GRIK4: variants seen among roughly 807,000 people sequenced by gnomAD.
GRIK4 encodes glutamate receptor ionotropic, kainate 4.
Under a neutral mutation model 104.9 loss-of-function variants are expected in GRIK4, and 40 were observed. The ratio of observed to expected loss-of-function variants is 0.38; its 90% CI spans 0.30 to 0.50. GRIK4 has a LOEUF of 0.50. GRIK4 is among the 20% of genes least tolerant of loss of function. The pLI, the probability that GRIK4 is intolerant of heterozygous loss-of-function variation, is 0.93. For missense variants in GRIK4, 1,047 were observed against 1,308.1 expected, an observed-to-expected ratio of 0.80 and a Z score of 3.08; for synonymous variants, 485 against 524.9, an observed-to-expected ratio of 0.92 and a Z score of 1.04.
intron 11 of GRIK4, among the ~76,000 whole-genome samples, chr11:120,887,368 C>G (rs1955152159): frequency 6.6e-6 from 1 of 152,164 alleles, no homozygotes. Context: ...TGCTGACACT[C>G]ACAAAAGTAA....
intron 11 of GRIK4, among the ~76,000 whole-genome samples, chr11:120,883,143 C>T (rs367589563): frequency 2.0e-5 from 3 of 152,110 alleles, no homozygotes; most frequent in East Asian, 1.9e-4. Context: ...GAATACGGAG[C>T]GAACGAGGGA....
chr11:120,859,593 C>T (rs1049513457), intron 8 of GRIK4, among the ~76,000 whole-genome samples: 5 of 152,218 alleles, frequency 3.3e-5, no homozygotes, highest in African/African-American at 9.6e-5. Context: ...TTTCCAGCCC[C>T]TGCCAACCAT....
rs553704725 is a variant in GRIK4 at position 120,656,664 on chromosome 11, C to T, written c.-51+2872C>T. Among the ~76,000 whole-genome samples, 68 of 152,260 alleles carry T rather than the reference C, an allele frequency of 4.5e-4. No individual in the cohort carries two copies. In the South Asian group the frequency reaches 0.013, roughly 28 times the overall value. On this transcript the variant is annotated intron_variant, in intron 2 of 20. Transcript: ENST00000527524. ...TCACCTGAGGTCAGGAGTTCGAGACCAGCCTGGTCATCATGGTGAAGTCCC... is the reference window on the plus strand; with the variant it reads ...TCACCTGAGGTCAGGAGTTCGAGACTAGCCTGGTCATCATGGTGAAGTCCC...
In GRIK4 at chr11:120,517,301, G is replaced by A. The variant is rs1290993172; in HGVS notation, c.-159+5414G>A. Among the ~76,000 whole-genome samples, 2 of 149,464 alleles carry A rather than the reference G, an allele frequency of 1.3e-5. 1 individual carries two copies. The highest frequency in any genetic ancestry group is 5.0e-5 in the African/African-American group (2 of 39,632). ...CAGAGATAAATTCAGAGGCTGTGGA[G>A]GGTGAAGAGCAGCCAGAGGGGCTGT... On this transcript the variant is annotated intron_variant, in intron 1 of 20. Coordinates refer to ENST00000527524, the MANE Select transcript of GRIK4 (RefSeq NM_014619.5).
At chr11:120,594,886 G>A (rs372260094) in intron 1 of GRIK4, among the ~76,000 whole-genome samples, 4 of 152,318 alleles carry the variant, frequency 2.6e-5, no homozygotes, top group Admixed American at 6.5e-5. Context: ...AGAGTGACTC[G>A]TGAAGAGGAG....
At chr11:120,812,196 C>A (rs1952843427) in intron 4 of GRIK4, among the ~76,000 whole-genome samples, 2 of 152,148 alleles carry the variant, frequency 1.3e-5, no homozygotes, top group South Asian at 4.1e-4. Flanking sequence ...ACCTGTAAAG[C>A]AGGAGAACAG....
intron 1 of GRIK4, among the ~76,000 whole-genome samples, chr11:120,520,338 C>T (rs910974267): frequency 6.6e-6 from 1 of 152,190 alleles, no homozygotes; most frequent in Non-Finnish European, 1.5e-5. Context: ...CGCCTCTATG[C>T]GTTTTGGAAC....
chr11:120,933,534 G>C (rs1457797096), intron 13 of GRIK4, among the ~76,000 whole-genome samples: 1 of 152,270 alleles, frequency 6.6e-6, no homozygotes, highest in Non-Finnish European at 1.5e-5. Context: ...TAAATGACTT[G>C]TCCAAGGTCA....
At chr11:120,820,359 T>C (rs1030912852) in intron 6 of GRIK4, among the ~76,000 whole-genome samples, 1 of 152,270 alleles carries the variant, frequency 6.6e-6, no homozygotes, top group Non-Finnish European at 1.5e-5. Context: ...CATTTGTACT[T>C]GATGGGTTGA....
chr11:120,752,703 G>T (rs1272462329), intron 3 of GRIK4, among the ~76,000 whole-genome samples: 3 of 152,182 alleles, frequency 2.0e-5, no homozygotes, highest in African/African-American at 7.2e-5. Context: ...TTTTAGACAG[G>T]TCAGGGTGGG....
chr11:120,569,249 A>G (rs1317500409), intron 1 of GRIK4, among the ~76,000 whole-genome samples: 1 of 152,214 alleles, frequency 6.6e-6, no homozygotes, highest in Non-Finnish European at 1.5e-5. Flanking sequence ...GCTACTTGCA[A>G]TGGAGGCTTT....
intron 1 of GRIK4, among the ~76,000 whole-genome samples, chr11:120,518,571 G>A (rs1947758343): frequency 6.6e-6 from 1 of 152,150 alleles, no homozygotes; most frequent in African/African-American, 2.4e-5. Context: ...GAGTGGCAGA[G>A]CTGGATCCAG....
At chr11:120,570,753 A>G (rs1948388120) in intron 1 of GRIK4, among the ~76,000 whole-genome samples, 2 of 152,136 alleles carry the variant, frequency 1.3e-5, no homozygotes, top group South Asian at 4.2e-4. Flanking sequence ...ATGCCCAGCC[A>G]ATTTTCTGTT....
At chr11:120,817,821 C>G (rs1028869311) in intron 5 of GRIK4, among the ~76,000 whole-genome samples, 3 of 152,212 alleles carry the variant, frequency 2.0e-5, no homozygotes, top group South Asian at 2.1e-4. Context: ...GCCCTCACCC[C>G]CTGTACGCAC....
At chr11:120,688,330 G>T (rs561822011) in intron 3 of GRIK4, among the ~76,000 whole-genome samples, 26 of 152,322 alleles carry the variant, frequency 1.7e-4, no homozygotes, top group African/African-American at 5.8e-4. Context: ...CCCCGAAGAG[G>T]AAGTCAGATG....
intron 1 of GRIK4, among the ~76,000 whole-genome samples, chr11:120,564,076 A>G (rs1473695365): frequency 1.3e-5 from 2 of 152,148 alleles, no homozygotes; most frequent in South Asian, 4.1e-4. Context: ...GGGGGAGGCA[A>G]TGTCCCGGAG....
chr11:120,885,605 G>A (rs548974097), intron 11 of GRIK4, among the ~76,000 whole-genome samples: 8 of 152,054 alleles, frequency 5.3e-5, no homozygotes, highest in Non-Finnish European at 1.2e-4. Flanking sequence ...GGCTGATCTC[G>A]AACTCCTGAC....
chr11:120,748,531 T>C lies in GRIK4; in HGVS notation c.83-54162T>C, dbSNP rs868494666. Among the ~76,000 whole-genome samples, 5 of 152,070 alleles carry C rather than the reference T, an allele frequency of 3.3e-5. No individual in the cohort carries two copies. In the South Asian group the frequency reaches 1.0e-3, roughly 32 times the overall value. On this transcript the variant is annotated intron_variant, in intron 3 of 20. Transcript: ENST00000527524. ...GTGACCTCATGGCTGTGTCTCCAAG[T>C]CTAGGAAGCACCTGGCACAGAGGAG...
intron 1 of GRIK4, among the ~76,000 whole-genome samples, chr11:120,532,652 T>C (rs1458978029): frequency 6.6e-6 from 1 of 152,226 alleles, no homozygotes; most frequent in Non-Finnish European, 1.5e-5. Context: ...TTCGCTGGCT[T>C]CATAATTAGC....
Sources: allele counts gnomAD v4.1 joint callset (sites outside exome capture counted in the v4.1 genomes callset), GRCh38; gene constraint gnomAD v4.1.1; transcripts MANE v1.5; gene names NCBI Gene and HGNC (gene_info 2026-07-23, HGNC 2026-07-21).